FAM227B: variants seen among roughly 807,000 people sequenced by gnomAD.
FAM227B encodes protein FAM227B.
In FAM227B, 88 loss-of-function variants were observed where a neutral mutation model predicts 73.8. That is an observed-to-expected ratio of 1.19 (90% CI 1.00 to 1.42). The LOEUF (loss-of-function observed/expected upper bound fraction) is 1.42, where lower values mean the gene tolerates loss of function less well. Among genes scored for constraint, FAM227B ranks in the 40% most tolerant of loss-of-function variants. The probability of loss-of-function intolerance (pLI) is 0.00; values close to 1 mark genes in which losing one functional copy is unlikely to be tolerated. For synonymous variants in FAM227B, 210 were observed against 190.5 expected (o/e 1.10, Z -0.84); for missense variants, 632 against 590.9 (o/e 1.07, Z -0.72).
chr15:49,512,158 G>A (rs1479810984), intron 10 of FAM227B, among the ~76,000 whole-genome samples: 1 of 152,012 alleles, frequency 6.6e-6, no homozygotes, highest in Admixed American at 6.6e-5. Flanking sequence ...CTTACATAAA[G>A]ACTTCCTATT....
chr15:49,608,675 T>G (rs997539918), intron 3 of FAM227B, among the ~76,000 whole-genome samples: 1 of 152,096 alleles, frequency 6.6e-6, no homozygotes, highest in African/African-American at 2.4e-5. Flanking sequence ...GGATTGAAAT[T>G]ATTATTTTCT....
At chr15:49,367,186 A>G (rs1010892469) in intron 13 of FAM227B, among the ~76,000 whole-genome samples, 17 of 152,218 alleles carry the variant, frequency 1.1e-4, no homozygotes, top group Admixed American at 7.2e-4. Flanking sequence ...GCCTTTTATC[A>G]GAGAACCAAA....
At chr15:49,539,001 T>C (rs1409715616) in intron 10 of FAM227B, among the ~76,000 whole-genome samples, 1 of 152,174 alleles carries the variant, frequency 6.6e-6, no homozygotes, top group African/African-American at 2.4e-5. Context: ...TCATGTTTGT[T>C]TTCCTTGTTT....
intron 10 of FAM227B, among the ~76,000 whole-genome samples, chr15:49,519,325 T>C (rs1364768839): frequency 6.6e-6 from 1 of 152,160 alleles, no homozygotes; most frequent in Non-Finnish European, 1.5e-5. Flanking sequence ...TAGAGGACAG[T>C]GGCCCTCTTC....
intron 13 of FAM227B, among the ~76,000 whole-genome samples, chr15:49,357,700 T>C (rs982637194): frequency 2.6e-5 from 4 of 151,602 alleles, no homozygotes; most frequent in Non-Finnish European, 4.4e-5. Context: ...ACTATTCCAA[T>C]CAATAGAAAA....
chr15:49,393,344 T>C (rs992031176), intron 11 of FAM227B, among the ~76,000 whole-genome samples: 1 of 152,140 alleles, frequency 6.6e-6, no homozygotes, highest in Non-Finnish European at 1.5e-5. Flanking sequence ...ATGGGAAAAA[T>C]GCTAGCAGAA....
chr15:49,597,552 T>G (rs1234569101), intron 3 of FAM227B, among the ~76,000 whole-genome samples: 1 of 151,746 alleles, frequency 6.6e-6, no homozygotes, highest in African/African-American at 2.4e-5. Flanking sequence ...AGGTGACACC[T>G]CAAGGAACCA....
intron 11 of FAM227B, chr15:49,485,333 T>G (rs1328022014): frequency 6.6e-6 from 1 of 152,464 alleles, no homozygotes; most frequent in Non-Finnish European, 1.5e-5. Context: ...TATCTTTGTA[T>G]AATTCATATT....
At chr15:49,489,865 TATATATATATATATATATAG>T (rs2056873844) in intron 11 of FAM227B, among the ~76,000 whole-genome samples, 5 of 10,530 alleles carry the variant, frequency 4.7e-4, no homozygotes, top group East Asian at 3.4e-3. Flanking sequence ...ATATTTTATA[TATATATATATATATATATAG>T]AGAGAGAGAG....
chr15:49,471,497 A>AATAATAATC (rs2151966918), intron 11 of FAM227B, among the ~76,000 whole-genome samples: 1 of 107,800 alleles, frequency 9.3e-6, no homozygotes, highest in African/African-American at 2.8e-5. Flanking sequence ...TAATAATAAT[A>AATAATAATC]ATAATAATAA....
chr15:49,609,517 C>T (rs191907178), intron 3 of FAM227B, among the ~76,000 whole-genome samples: 1 of 152,016 alleles, frequency 6.6e-6, no homozygotes, highest in East Asian at 1.9e-4. Flanking sequence ...GGATTAATAA[C>T]ATGATTCAAT....
intron 10 of FAM227B, among the ~76,000 whole-genome samples, chr15:49,523,024 CTCTT>C (rs80087096): frequency 0.32 from 47,895 of 151,744 alleles, 8,088 homozygotes; most frequent in African/African-American, 0.42. Flanking sequence ...TACTCAGACT[CTCTT>C]TCTTTTACTC....
chr15:49,349,299 T>G lies in FAM227B; in HGVS notation c.1272-13803A>C, dbSNP rs369419412. Among the ~76,000 whole-genome samples, 50 of 152,302 alleles carry G rather than the reference T, an allele frequency of 3.3e-4. 1 individual carries two copies. In the East Asian group the frequency reaches 5.8e-3, roughly 18 times the overall value. ...TTTGTTCATCAAGTTCTTATAAAAA[T>G]TATTAATTTCATTTTCATTTTAAAA... is the stretch of plus-strand genomic sequence containing the variant. On this transcript the variant is annotated intron_variant, in intron 13 of 15. Transcript: ENST00000299338.
At chr15:49,491,561 C>T (rs1434835519) in intron 11 of FAM227B, among the ~76,000 whole-genome samples, 1 of 151,750 alleles carries the variant, frequency 6.6e-6, no homozygotes, top group Non-Finnish European at 1.5e-5. Flanking sequence ...TCTCTACTTC[C>T]TACTGTCAAT....
At position 49,541,667 on chromosome 15, in the gene FAM227B, G is replaced by C. The variant is rs1567529267; in HGVS notation, c.874+13C>G. The C allele has an allele frequency of 7.0e-7, 1 of 1,430,776 alleles. No homozygotes were observed. Among genetic ancestry groups the C allele is most frequent in the Non-Finnish European group, 9.2e-7 (1 of 1,087,944 alleles). 88.6% of individuals were successfully genotyped at this position (1,430,776 alleles called of 1,614,324 possible). ...CCAAAACAATGATTAATATTTAAAT[G>C]ATATATTCATACCTGAACACCAAAG... is the stretch of plus-strand genomic sequence containing the variant. On this transcript the variant is annotated intron_variant, in intron 10 of 15. Coordinates refer to ENST00000299338, the MANE Select transcript of FAM227B (RefSeq NM_152647.3).
chr15:49,437,285 A>G (rs1597181651), intron 11 of FAM227B, among the ~76,000 whole-genome samples: 1 of 151,752 alleles, frequency 6.6e-6, no homozygotes, highest in East Asian at 1.9e-4. Flanking sequence ...TCCAAATACA[A>G]AGCAACACAA....
In FAM227B at chr15:49,537,777, C is replaced by T. The variant is rs377759307; in HGVS notation, c.874+3903G>A. ...CTGCCATTTGCCCCACAATGTAGAA[C>T]CTGGAAGGAATAATCCAGTGAAATA... is the stretch of plus-strand genomic sequence containing the variant. On this transcript the variant is annotated intron_variant, in intron 10 of 15. Coordinates refer to ENST00000299338, the MANE Select transcript of FAM227B (RefSeq NM_152647.3). Among the ~76,000 whole-genome samples the T allele has an allele frequency of 4.8e-4, 73 of 151,982 alleles. No homozygotes were observed. In the East Asian group the frequency reaches 0.013, roughly 27 times the overall value.
At chr15:49,366,503 GA>G in intron 13 of FAM227B, 1 of 1,284,366 alleles carries the variant, frequency 7.8e-7, no homozygotes, top group East Asian at 2.3e-5. Flanking sequence ...CAAACTAATG[GA>G]AGTTGCATTT....
chr15:49,414,482 G>A (rs1281823026), intron 11 of FAM227B, among the ~76,000 whole-genome samples: 1 of 152,108 alleles, frequency 6.6e-6, no homozygotes, highest in African/African-American at 2.4e-5. Flanking sequence ...ATCATAGAGG[G>A]CATTGGAAAC....
Sources: allele counts gnomAD v4.1 joint callset (sites outside exome capture counted in the v4.1 genomes callset), GRCh38; gene constraint gnomAD v4.1.1; transcripts MANE v1.5; gene names NCBI Gene and HGNC (gene_info 2026-07-23, HGNC 2026-07-21).